DCUN1D4: variants seen among roughly 807,000 people sequenced by gnomAD.
DCUN1D4 encodes the protein DCN1-like protein 4.
A neutral mutation model predicts 47.9 loss-of-function variants in DCUN1D4; 22 were observed. The observed-to-expected ratio is 0.46, with a 90% CI of 0.33 to 0.66. The LOEUF is 0.66. Among genes scored for constraint, DCUN1D4 ranks in the 30% least tolerant of loss-of-function variants. The probability of loss-of-function intolerance (pLI) is 0.02; values close to 1 mark genes in which losing one functional copy is unlikely to be tolerated. For missense variants in DCUN1D4, 301 were observed against 340.8 expected (o/e 0.88, Z 0.92); for synonymous variants, 121 against 112.2 (o/e 1.08, Z -0.50).
chr4:51,849,844 TGC>T (rs963443940), intron 1 of DCUN1D4, among the ~76,000 whole-genome samples: 13 of 57,330 alleles, frequency 2.3e-4, no homozygotes, highest in East Asian at 2.4e-3. Flanking sequence ...TGTGTGTGTG[TGC>T]GTGCGTGTGT....
At chr4:51,849,712 T>G (rs1723078796) in intron 1 of DCUN1D4, among the ~76,000 whole-genome samples, 1 of 152,022 alleles carries the variant, frequency 6.6e-6, no homozygotes, top group African/African-American at 2.4e-5. Flanking sequence ...CATGTGCCAC[T>G]CTTTACTGCT....
chr4:51,886,476 A>G (rs547823108), intron 5 of DCUN1D4, 92 bp from the exon 6 acceptor site: 1 of 1,104,148 alleles, frequency 9.1e-7, no homozygotes, highest in African/African-American at 1.6e-5. Flanking sequence ...AATGGCCTTT[A>G]AGTCTTACTT....
chr4:51,858,241 G>A (rs1398425085), intron 1 of DCUN1D4, among the ~76,000 whole-genome samples: 1 of 152,134 alleles, frequency 6.6e-6, no homozygotes, highest in Non-Finnish European at 1.5e-5. Context: ...TCCATCAAAG[G>A]TGATATTAAA....
Position 51,914,823 on chromosome 4 carries a change from C to CTTTTTTTTTTTTT in DCUN1D4, c.*1246_*1258dup, listed in dbSNP as rs71193045. On this transcript the variant is annotated 3_prime_UTR_variant, in exon 11 of 11. Transcript: ENST00000334635. ...GTATTTTTAGGTTTGTATTTTATGT[C>CTTTTTTTTTTTTT]TTTTTTTTTTTTTTTTTTTGCCATT... The CTTTTTTTTTTTTT allele has an allele frequency of 8.5e-6, 1 of 117,662 alleles. No homozygotes were observed. The highest frequency in any genetic ancestry group is 1.7e-5 in the Non-Finnish European group (1 of 59,160). The allele number at this position is 117,662 out of a possible 1,614,324, so 7.3% of individuals were successfully genotyped here.
intron 6 of DCUN1D4, among the ~76,000 whole-genome samples, chr4:51,889,713 C>CTAG (rs757894899): frequency 2.2e-4 from 33 of 152,004 alleles, no homozygotes; most frequent in Admixed American, 5.2e-4. Context: ...GTTAGTTGTC[C>CTAG]TAGGTAAATC....
intron 3 of DCUN1D4, among the ~76,000 whole-genome samples, chr4:51,872,535 C>A (rs1257174679): frequency 6.6e-6 from 1 of 152,208 alleles, no homozygotes; most frequent in East Asian, 1.9e-4. Flanking sequence ...CAATTGAACA[C>A]TCCCTTCTCA....
intron 1 of DCUN1D4, chr4:51,860,479 A>G (rs1173518199): frequency 4.7e-6 from 2 of 421,234 alleles, no homozygotes; most frequent in South Asian, 3.4e-5. Flanking sequence ...ATTACTATAA[A>G]GAAATACCTG....
chr4:51,904,094 G>T (rs1186311949), intron 8 of DCUN1D4, among the ~76,000 whole-genome samples: 1 of 151,940 alleles, frequency 6.6e-6, no homozygotes, highest in Non-Finnish European at 1.5e-5. Context: ...GTTGCTGTGG[G>T]TTTTGTTGTA....
At chr4:51,904,679 A>G (rs1578042855) in intron 8 of DCUN1D4, among the ~76,000 whole-genome samples, 1 of 152,044 alleles carries the variant, frequency 6.6e-6, no homozygotes, top group East Asian at 1.9e-4. Context: ...CCTGTTTTTC[A>G]TCATCTGAAG....
intron 7 of DCUN1D4, among the ~76,000 whole-genome samples, chr4:51,893,482 G>A (rs1730765826): frequency 6.6e-6 from 1 of 151,756 alleles, no homozygotes; most frequent in African/African-American, 2.4e-5. Flanking sequence ...CTGGAGTGCA[G>A]TGGCGTGCTC....
At chr4:51,865,829 A>G (rs983836505) in intron 3 of DCUN1D4, among the ~76,000 whole-genome samples, 1 of 152,208 alleles carries the variant, frequency 6.6e-6, no homozygotes, top group African/African-American at 2.4e-5. Flanking sequence ...ATGTGCAGCA[A>G]GAATGCACAG....
chr4:51,882,877 T>TC lies in DCUN1D4; in HGVS notation c.344-3684dup, dbSNP rs374734268. 1.9e-3 allele frequency among the ~76,000 whole-genome samples: 282 copies of TC among 151,506 alleles called. 2 individuals carry two copies. Among genetic ancestry groups the TC allele is most frequent in the South Asian group, 0.017 (80 of 4,772 alleles). On this transcript the variant is annotated intron_variant, in intron 5 of 10. Coordinates refer to ENST00000334635, the MANE Select transcript of DCUN1D4 (RefSeq NM_001040402.3). ...TTTTAAAAGAATTACAAAGTAACTTTCCCCCCCGGCTCTATGCAGCTGCTT... is the reference window on the plus strand; with the variant it reads ...TTTTAAAAGAATTACAAAGTAACTTTCCCCCCCCGGCTCTATGCAGCTGCTT...
At chr4:51,857,082 G>A (rs192434500) in intron 1 of DCUN1D4, among the ~76,000 whole-genome samples, 1 of 152,288 alleles carries the variant, frequency 6.6e-6, no homozygotes, top group Non-Finnish European at 1.5e-5. Flanking sequence ...TTGGCATGTG[G>A]AAACTGAGAC....
intron 6 of DCUN1D4, chr4:51,887,019 T>A (rs1222816762): frequency 3.1e-5 from 14 of 448,896 alleles, no homozygotes; most frequent in Non-Finnish European, 6.2e-5. Context: ...GACTTATAAT[T>A]ATTCATCATG....
At chr4:51,865,257 C>T (rs1412429311) in intron 3 of DCUN1D4, 2 of 229,094 alleles carry the variant, frequency 8.7e-6, no homozygotes, top group African/African-American at 4.6e-5. Flanking sequence ...CCTCCTACAT[C>T]TATAAAGTGT....
At chr4:51,847,109 C>T (rs1176443346) in intron 1 of DCUN1D4, among the ~76,000 whole-genome samples, 1 of 152,132 alleles carries the variant, frequency 6.6e-6, no homozygotes, top group Non-Finnish European at 1.5e-5. Context: ...AAGATATGGC[C>T]TTTCGTAGGG....
intron 6 of DCUN1D4, 189 bp downstream of exon 6, chr4:51,886,827 T>C: frequency 8.8e-6 from 5 of 566,836 alleles, no homozygotes; most frequent in Non-Finnish European, 1.6e-5. Context: ...TGATATGGTG[T>C]AACTACAGTT....
chr4:51,858,847 C>T (rs1577872306), intron 1 of DCUN1D4, among the ~76,000 whole-genome samples: 1 of 152,180 alleles, frequency 6.6e-6, no homozygotes, highest in South Asian at 2.1e-4. Flanking sequence ...TTTATGGCTG[C>T]TTTTGAGCTA....
chr4:51,877,996 A>C (rs748483491), intron 5 of DCUN1D4, 142 bp downstream of exon 5: 59 of 463,268 alleles, frequency 1.3e-4, no homozygotes, highest in Admixed American at 5.8e-4. Context: ...AGAGAGGGAC[A>C]TAGCTGTAAC....
Sources: gnomAD v4.1 joint callset for allele counts (sites outside exome capture counted in the v4.1 genomes callset) on GRCh38, gnomAD v4.1.1 for gene constraint, MANE v1.5 for transcripts, NCBI Gene and HGNC (gene_info 2026-07-23, HGNC 2026-07-21) for gene names.